Variants in CFAP299 observed in about 807,000 individuals in gnomAD.
The protein encoded by CFAP299 is cilia and flagella associated protein 299.
Under a neutral mutation model 27.0 loss-of-function variants are expected in CFAP299, and 21 were observed. The observed-to-expected ratio is 0.78, with a 90% CI of 0.55 to 1.12. The LOEUF (loss-of-function observed/expected upper bound fraction) is 1.12. CFAP299 is among the 50% of genes most tolerant of loss of function. CFAP299 has a pLI of 0.00. For synonymous variants in CFAP299, 104 were observed against 98.1 expected (o/e 1.06, Z -0.36); for missense variants, 310 against 276.6 (o/e 1.12, Z -0.86).
chr4:80,598,147 A>G (rs1737151668), intron 3 of CFAP299, among the ~76,000 whole-genome samples: 1 of 152,206 alleles, frequency 6.6e-6, no homozygotes, highest in Non-Finnish European at 1.5e-5. Context: ...AAATGCCACT[A>G]TGAGATTAGA....
chr4:80,444,844 C>T (rs1410209080), intron 2 of CFAP299, among the ~76,000 whole-genome samples: 2 of 151,900 alleles, frequency 1.3e-5, no homozygotes, highest in Non-Finnish European at 2.9e-5. Context: ...AAAAAACAAC[C>T]CCATCAACAA....
At chr4:80,952,642 A>G (rs1737842975) in intron 5 of CFAP299, among the ~76,000 whole-genome samples, 1 of 152,200 alleles carries the variant, frequency 6.6e-6, no homozygotes, top group South Asian at 2.1e-4. Flanking sequence ...GCAAAAGACT[A>G]GACACATAAG....
intron 2 of CFAP299, among the ~76,000 whole-genome samples, chr4:80,408,288 T>G (rs988424900): frequency 6.6e-6 from 1 of 152,184 alleles, no homozygotes; most frequent in Admixed American, 6.5e-5. Context: ...TTGTCCTAAT[T>G]TGGTTTATTT....
At chr4:80,948,565 C>T (rs990291867) in intron 5 of CFAP299, among the ~76,000 whole-genome samples, 2 of 151,962 alleles carry the variant, frequency 1.3e-5, no homozygotes, top group Admixed American at 6.6e-5. Context: ...TTCAAAAACA[C>T]TAACCATGGG....
At chr4:80,421,409 C>A (rs376652970) in intron 2 of CFAP299, among the ~76,000 whole-genome samples, 1 of 152,162 alleles carries the variant, frequency 6.6e-6, no homozygotes, top group African/African-American at 2.4e-5. Context: ...TAAATACACA[C>A]TGATTTCTAC....
chr4:80,427,318 G>A (rs1727574579), intron 2 of CFAP299, among the ~76,000 whole-genome samples: 1 of 151,712 alleles, frequency 6.6e-6, no homozygotes, highest in South Asian at 2.1e-4. Context: ...TTAGCCTACT[G>A]TTATCTTTTA....
chr4:80,787,087 A>G (rs891193814), intron 3 of CFAP299, among the ~76,000 whole-genome samples: 1 of 151,638 alleles, frequency 6.6e-6, no homozygotes, highest in African/African-American at 2.4e-5. Context: ...GAATGCTCTC[A>G]AGATACAGGA....
chr4:80,500,338 T>G (rs1731679608), intron 2 of CFAP299, among the ~76,000 whole-genome samples: 1 of 152,118 alleles, frequency 6.6e-6, no homozygotes, highest in African/African-American at 2.4e-5. Flanking sequence ...TGTTCAGTCT[T>G]TGGCTCTGTT....
At chr4:80,653,950 T>TTA (rs1168703253) in intron 3 of CFAP299, among the ~76,000 whole-genome samples, 5 of 152,128 alleles carry the variant, frequency 3.3e-5, no homozygotes, top group Admixed American at 6.6e-5. Flanking sequence ...TAATATGTGT[T>TTA]TATATATATG....
At chr4:80,776,874 TAAA>T (rs1244795792) in intron 3 of CFAP299, among the ~76,000 whole-genome samples, 1 of 132,854 alleles carries the variant, frequency 7.5e-6, no homozygotes, top group African/African-American at 2.8e-5. Flanking sequence ...CTCTCTAACC[TAAA>T]AAAAAAAAAA....
At position 80,915,854 on chromosome 4, in the gene CFAP299, T is replaced by G. The variant is rs945211147; in HGVS notation, c.477-28956T>G. On this transcript the variant is annotated intron_variant, in intron 4 of 5. Coordinates refer to ENST00000358105, the MANE Select transcript of CFAP299 (RefSeq NM_152770.3). ...GGTTATTTTCACGTCTTCCATATTC[T>G]CTTCTTACCATATAAATTTTTTAGC... Among the ~76,000 whole-genome samples, 7 of 152,230 alleles carry G rather than the reference T, an allele frequency of 4.6e-5. 1 individual carries two copies. The highest frequency in any genetic ancestry group is 3.3e-4 in the Admixed American group (5 of 15,264).
intron 2 of CFAP299, among the ~76,000 whole-genome samples, chr4:80,482,849 C>T (rs968283469): frequency 3.3e-5 from 5 of 152,154 alleles, no homozygotes; most frequent in Middle Eastern, 3.2e-3. Flanking sequence ...GTTACCTCAA[C>T]GTTTGTCTTT....
intron 3 of CFAP299, among the ~76,000 whole-genome samples, chr4:80,609,323 GT>G (rs1309575136): frequency 1.3e-5 from 2 of 152,034 alleles, no homozygotes; most frequent in Non-Finnish European, 2.9e-5. Flanking sequence ...ATATTATTTA[GT>G]TATGCTAAAG....
chr4:80,878,250 AAC>A (rs1733519869), intron 4 of CFAP299, among the ~76,000 whole-genome samples: 1 of 152,092 alleles, frequency 6.6e-6, no homozygotes, highest in African/African-American at 2.4e-5. Flanking sequence ...ACGTTTTAAA[AAC>A]ACAGGACCCT....
rs190326464 is a variant in CFAP299, at chr4:80,485,238, T to C, written c.243-97855T>C. Among the ~76,000 whole-genome samples the C allele has an allele frequency of 1.2e-3, 173 of 149,756 alleles. 1 individual carries two copies. Among genetic ancestry groups the C allele is most frequent in the African/African-American group, 4.0e-3 (166 of 41,120 alleles). The stretch of plus-strand genomic sequence containing the variant: ...TTCATTCTATACATGTATATATACA[T>C]ATATGTATAAATATAATAAAATATA... On this transcript the variant is annotated intron_variant, in intron 2 of 5. Transcript: ENST00000358105.
At chr4:80,642,930 G>C (rs931322304) in intron 3 of CFAP299, among the ~76,000 whole-genome samples, 1 of 152,026 alleles carries the variant, frequency 6.6e-6, no homozygotes, top group Non-Finnish European at 1.5e-5. Context: ...AGTTGAGAGT[G>C]GGGTGGGGAC....
chr4:80,887,527 A>G (rs995728181), intron 4 of CFAP299, among the ~76,000 whole-genome samples: 13 of 152,186 alleles, frequency 8.5e-5, no homozygotes, highest in Non-Finnish European at 1.6e-4. Flanking sequence ...TCCCAGAAAA[A>G]CAAAAGCTGA....
chr4:80,335,850 A>G lies in CFAP299; in HGVS notation c.82A>G (p.Ile28Val), dbSNP rs747064945. Residue 28 changes from isoleucine to valine, a missense_variant, in exon 1 of 6, where the codon ATC (isoleucine) becomes GTC (valine). Transcript: ENST00000358105. The stretch of plus-strand genomic sequence containing the variant: ...CTATGAAGATTTCCTGGACTCGCAG[A>G]TCACTACTGTGGACTTGTACTACCT... ...NAYEDFLDSQ[I>V]TTVDLYYLED... 4 of 1,612,944 alleles carry G rather than the reference A, an allele frequency of 2.5e-6. No individual in the cohort carries two copies. The highest frequency in any genetic ancestry group is 3.4e-6 in the Non-Finnish European group (4 of 1,178,864).
chr4:80,814,532 G>GT (rs150187474), intron 3 of CFAP299, among the ~76,000 whole-genome samples: 1,602 of 151,920 alleles, frequency 0.011, 30 homozygotes, highest in African/African-American at 0.035. Flanking sequence ...TCCCTAGTGG[G>GT]TTTTTGTGTT....
Sources: allele counts gnomAD v4.1 joint callset (sites outside exome capture counted in the v4.1 genomes callset), GRCh38; gene constraint gnomAD v4.1.1; transcripts MANE v1.5; gene names NCBI Gene and HGNC (gene_info 2026-07-23, HGNC 2026-07-21).